Variants in ADAMTSL2 observed in about 807,000 individuals in gnomAD.
ADAMTSL2 encodes the protein ADAMTS-like protein 2.
A neutral mutation model predicts 117.0 loss-of-function variants in ADAMTSL2; 55 were observed. That is an observed-to-expected ratio of 0.47 (90% CI 0.38 to 0.59). The LOEUF (loss-of-function observed/expected upper bound fraction) is 0.59. Among genes scored for constraint, ADAMTSL2 ranks in the 20% least tolerant of loss-of-function variants. ADAMTSL2 has a pLI of 0.00. For synonymous variants in ADAMTSL2, 572 were observed against 566.4 expected, an observed-to-expected ratio of 1.01 and a Z score of -0.14; for missense variants, 1,182 against 1,354.5, an observed-to-expected ratio of 0.87 and a Z score of 2.00.
In ADAMTSL2 at chr9:133,534,849, C is replaced by T; in HGVS notation, c.-219C>T. The T allele has an allele frequency of 6.7e-7, 1 of 1,496,292 alleles. No homozygotes were observed. The highest frequency in any genetic ancestry group is 8.9e-7 in the Non-Finnish European group (1 of 1,118,450). The allele number at this position is 1,496,292 out of a possible 1,614,324, so 92.7% of individuals were successfully genotyped here. ...CGCCGCCCCCGCACGCACAGCGCACCTGGCGCCGTCTGCCCTCCGCAGCGC... is the reference window on the plus strand; with the variant it reads ...CGCCGCCCCCGCACGCACAGCGCACTTGGCGCCGTCTGCCCTCCGCAGCGC... On this transcript the variant is annotated 5_prime_UTR_variant, in exon 1 of 19. Coordinates refer to ENST00000651351, the MANE Select transcript of ADAMTSL2 (RefSeq NM_014694.4).
At chr9:133,569,802 G>A (rs951813549) in intron 16 of ADAMTSL2, among the ~76,000 whole-genome samples, 4 of 152,250 alleles carry the variant, frequency 2.6e-5, no homozygotes, top group Non-Finnish European at 5.9e-5. Context: ...TCAGTGGTAC[G>A]TGCAGAATTG....
intron 12 of ADAMTSL2, among the ~76,000 whole-genome samples, chr9:133,564,229 G>A (rs866348011): frequency 0.027 from 351 of 12,786 alleles, no homozygotes; most frequent in East Asian, 0.046. Context: ...GGAGAGAGAG[G>A]GAGAGAGAGA....
At position 133,568,500 on chromosome 9, in the gene ADAMTSL2, G is replaced by T. The variant is rs1831028988; in HGVS notation, c.2088+14G>T. Reference sequence around the variant, plus strand: ...GAGTGGTCCGAGGTGAGTGCCTGCGGGAGCAAGCCGGGGGTCGGGAAGAGC... The same window carrying T: ...GAGTGGTCCGAGGTGAGTGCCTGCGTGAGCAAGCCGGGGGTCGGGAAGAGC... On this transcript the variant is annotated intron_variant, in intron 14 of 18. Transcript: ENST00000651351. 6.3e-7 allele frequency: 1 copy of T among 1,591,436 alleles called. No individual in the cohort carries two copies. Among genetic ancestry groups the T allele is most frequent in the Non-Finnish European group, 8.5e-7 (1 of 1,169,936 alleles).
At chr9:133,539,157 G>A (rs559323942) in intron 4 of ADAMTSL2, among the ~76,000 whole-genome samples, 5 of 152,262 alleles carry the variant, frequency 3.3e-5, no homozygotes, top group South Asian at 2.1e-4. Flanking sequence ...TTCTGTGTTG[G>A]CGTCACCTGG....
intron 11 of ADAMTSL2, among the ~76,000 whole-genome samples, chr9:133,560,524 C>T (rs1343714780): frequency 2.0e-5 from 3 of 152,236 alleles, no homozygotes; most frequent in Non-Finnish European, 4.4e-5. Context: ...AGCAAACAGT[C>T]CTAACAATAG....
chr9:133,534,727 ACC>A lies in ADAMTSL2; in HGVS notation c.-337_-336del, dbSNP rs1830006890. On this transcript the variant is annotated 5_prime_UTR_variant, in exon 1 of 19. Transcript: ENST00000651351. ...CCACTGGGCTGCGCCCCTCCCGGGAACCCCCTCTCTTGGATGCTCTTTGAAGT... is the reference window on the plus strand; with the variant it reads ...CCACTGGGCTGCGCCCCTCCCGGGAACCCTCTCTTGGATGCTCTTTGAAGT... 7.2e-7 allele frequency: 1 copy of A among 1,381,082 alleles called. No homozygotes were observed. Among genetic ancestry groups the A allele is most frequent in the African/African-American group, 1.5e-5 (1 of 65,742 alleles). 85.6% of individuals were successfully genotyped at this position (1,381,082 alleles called of 1,614,324 possible).
rs950112174 is a variant in ADAMTSL2, at chr9:133,537,051, T to C, written c.90+249T>C. Among the ~76,000 whole-genome samples, 16 of 152,278 alleles carry C rather than the reference T, an allele frequency of 1.1e-4. No homozygotes were observed. In the East Asian group the frequency reaches 1.4e-3, roughly 13 times the overall value. ...GGGGGCTGAGTGCTTCCCTTCCAAG[T>C]GAAGGCCCCAGCACGGCCAGGGTAG... On this transcript the variant is annotated intron_variant, in intron 2 of 18. Transcript: ENST00000651351.
chr9:133,537,664 G>C (rs1588274987), intron 3 of ADAMTSL2, 117 bp downstream of exon 3: 2 of 1,171,236 alleles, frequency 1.7e-6, no homozygotes, highest in Admixed American at 8.1e-5. Flanking sequence ...TCTCGGGTTG[G>C]GGGCAGCACA....
intron 12 of ADAMTSL2, among the ~76,000 whole-genome samples, chr9:133,562,494 A>C (rs1373163282): frequency 1.1e-4 from 15 of 132,290 alleles, no homozygotes; most frequent in South Asian, 2.4e-4. Flanking sequence ...CGGCTCGGCC[A>C]GGCTCGCACC....
chr9:133,566,092 C>T (rs956508410), intron 12 of ADAMTSL2, among the ~76,000 whole-genome samples: 1 of 152,138 alleles, frequency 6.6e-6, no homozygotes, highest in Non-Finnish European at 1.5e-5. Context: ...CCCACTGTCC[C>T]CCAGTGGGAT....
chr9:133,535,380 G>T (rs1830027169), intron 1 of ADAMTSL2, among the ~76,000 whole-genome samples: 1 of 151,342 alleles, frequency 6.6e-6, no homozygotes, highest in African/African-American at 2.4e-5. Flanking sequence ...GGGAGGTGGG[G>T]GGCAGGCGGC....
Position 133,558,918 on chromosome 9 carries a change from G to A in ADAMTSL2, c.1650-2280G>A, listed in dbSNP as rs369585411. On this transcript the variant is annotated intron_variant, in intron 11 of 18. Coordinates refer to ENST00000651351, the MANE Select transcript of ADAMTSL2 (RefSeq NM_014694.4). This position sits in a 1 kb window ranked among gnomAD's most constrained non-coding sequence, Gnocchi z 4.3. ...TGCTATGCCCCACACGTGCTGCTGC[G>A]AAGAGTGTGTGGGCAGCCCCTCCAG... Among the ~76,000 whole-genome samples the A allele has an allele frequency of 2.6e-5, 4 of 152,332 alleles. No individual in the cohort carries two copies. The highest frequency in any genetic ancestry group is 2.1e-4 in the South Asian group (1 of 4,828).
In ADAMTSL2 at chr9:133,540,479, A is replaced by G. The variant is rs554067063; in HGVS notation, c.413-119A>G. The G allele has an allele frequency of 2.9e-6, 4 of 1,381,012 alleles. No homozygotes were observed. The South Asian group carries it at 5.0e-5, about 17-fold the overall frequency. 85.5% of individuals were successfully genotyped at this position (1,381,012 alleles called of 1,614,324 possible). ...CCTGGACAGGTTCCTTCTGTTCTCC[A>G]GGCCTGAGTTGCCCCATCTATGCAA... On this transcript the variant is annotated intron_variant, in intron 5 of 18. Transcript: ENST00000651351.
At chr9:133,570,755 G>T (rs1831087022) in intron 17 of ADAMTSL2, among the ~76,000 whole-genome samples, 3 of 152,168 alleles carry the variant, frequency 2.0e-5, no homozygotes, top group African/African-American at 7.2e-5. Context: ...GGCCTTTTTG[G>T]GCCCGGGAAC....
intron 8 of ADAMTSL2, 121 bp downstream of exon 8, chr9:133,544,671 G>A: frequency 1.1e-6 from 1 of 903,632 alleles, no homozygotes; most frequent in Non-Finnish European, 1.8e-6. Flanking sequence ...GACCAGTGCT[G>A]TGGGCATGGC....
Position 133,534,773 on chromosome 9 carries a change from G to C in ADAMTSL2, c.-295G>C. 4.1e-6 allele frequency: 6 copies of C among 1,466,942 alleles called. No individual in the cohort carries two copies. The highest frequency in any genetic ancestry group is 5.4e-6 in the Non-Finnish European group (6 of 1,103,382). The allele number at this position is 1,466,942 out of a possible 1,614,324, so 90.9% of individuals were successfully genotyped here. A position where few individuals can be genotyped will look rare whatever the true frequency, so the allele number is the denominator to read the frequency against. ...TTGAAGTGGGAGAGGGAGGCGGCGC[G>C]GGGGAGGAGGGGAAGGGGAGAGGGA... On this transcript the variant is annotated 5_prime_UTR_variant, in exon 1 of 19. Coordinates refer to ENST00000651351, the MANE Select transcript of ADAMTSL2 (RefSeq NM_014694.4).
In ADAMTSL2 at chr9:133,534,905, G is replaced by T; in HGVS notation, c.-163G>T. On this transcript the variant is annotated 5_prime_UTR_variant, in exon 1 of 19. Transcript: ENST00000651351. ...CCTTTCTCTGGGAGGACAACCTGCT[G>T]ACCCGAAGCCAGGTAGGCCACCTCG... 7.1e-7 allele frequency: 1 copy of T among 1,416,258 alleles called. No homozygotes were observed. Among genetic ancestry groups the T allele is most frequent in the Non-Finnish European group, 9.3e-7 (1 of 1,078,728 alleles). 87.7% of individuals were successfully genotyped at this position (1,416,258 alleles called of 1,614,324 possible).
At chr9:133,564,209 AGAGG>A (rs1830857403) in intron 12 of ADAMTSL2, among the ~76,000 whole-genome samples, 1 of 77,996 alleles carries the variant, frequency 1.3e-5, no homozygotes, top group Non-Finnish European at 2.8e-5. Context: ...GGAGAGAGAG[AGAGG>A]GAGAGGGAGA....
intron 16 of ADAMTSL2, among the ~76,000 whole-genome samples, chr9:133,569,883 C>T (rs1372638938): frequency 1.3e-5 from 2 of 152,236 alleles, no homozygotes; most frequent in Admixed American, 6.5e-5. Flanking sequence ...GTTTTGGCTG[C>T]CTGCTCCTGG....
Sources: gnomAD v4.1 joint callset for allele counts (sites outside exome capture counted in the v4.1 genomes callset) on GRCh38, gnomAD v4.1.1 for gene constraint, Gnocchi (gnomAD v3.1) non-coding constraint, MANE v1.5 for transcripts, NCBI Gene and HGNC (gene_info 2026-07-23, HGNC 2026-07-21) for gene names.